The following DAB1 variants were observed in gnomAD, a reference collection of about 807,000 sequenced individuals.
DAB1 encodes the protein disabled homolog 1.
Under a neutral mutation model 64.6 loss-of-function variants are expected in DAB1, and 15 were observed. That is an observed-to-expected ratio of 0.23 (90% CI 0.16 to 0.36). The LOEUF (loss-of-function observed/expected upper bound fraction) is 0.36. Among genes scored for constraint, DAB1 ranks in the 10% least tolerant of loss-of-function variants. The pLI is 1.00. For missense variants in DAB1, 596 were observed against 706.7 expected (o/e 0.84, Z 1.78); for synonymous variants, 235 against 251.9 (o/e 0.93, Z 0.64).
At chr1:57,575,441 CT>C (rs1411692178) in intron 7 of DAB1, among the ~76,000 whole-genome samples, 1 of 152,166 alleles carries the variant, frequency 6.6e-6, no homozygotes, top group African/African-American at 2.4e-5. Flanking sequence ...AAAACCAAGT[CT>C]CTGAGAGAAT....
At chr1:58,139,908 G>A (rs1654179638) in intron 5 of DAB1, among the ~76,000 whole-genome samples, 1 of 152,222 alleles carries the variant, frequency 6.6e-6, no homozygotes, top group East Asian at 1.9e-4. Context: ...CTCAATAGTG[G>A]AAACTATATT....
At chr1:57,646,736 G>A (rs776327287) in intron 7 of DAB1, among the ~76,000 whole-genome samples, 12 of 152,124 alleles carry the variant, frequency 7.9e-5, no homozygotes, top group Non-Finnish European at 1.8e-4. Flanking sequence ...GTGACAGAGC[G>A]AGACCCCATC....
intron 4 of DAB1, among the ~76,000 whole-genome samples, chr1:58,173,930 T>C (rs1656316669): frequency 6.6e-6 from 1 of 152,146 alleles, no homozygotes; most frequent in Non-Finnish European, 1.5e-5. Context: ...TGGCTACTGC[T>C]ACAGGAACCA....
intron 5 of DAB1, among the ~76,000 whole-genome samples, chr1:57,916,740 C>T (rs1242495881): frequency 6.6e-6 from 1 of 152,086 alleles, no homozygotes; most frequent in Non-Finnish European, 1.5e-5. Context: ...GAGTTCAAGA[C>T]CAGCCTGGCC....
intron 1 of DAB1, among the ~76,000 whole-genome samples, chr1:57,323,269 G>C (rs1675871015): frequency 6.6e-6 from 1 of 152,166 alleles, no homozygotes; most frequent in African/African-American, 2.4e-5. Context: ...GACAGGCTAA[G>C]ATGCATAAAC....
chr1:57,887,586 A>G (rs1410597409), upstream of DAB1, among the ~76,000 whole-genome samples: 1 of 152,222 alleles, frequency 6.6e-6, no homozygotes, highest in African/African-American at 2.4e-5. Context: ...TTCACTCACC[A>G]CACTGGCAAG....
chr1:57,348,006 T>G (rs1298635856), intron 1 of DAB1, among the ~76,000 whole-genome samples: 1 of 152,214 alleles, frequency 6.6e-6, no homozygotes, highest in Non-Finnish European at 1.5e-5. Flanking sequence ...ACTTGAAACT[T>G]TCCAGGTTCC....
intron 7 of DAB1, among the ~76,000 whole-genome samples, chr1:57,466,244 C>A (rs1323175980): frequency 6.6e-6 from 1 of 152,152 alleles, no homozygotes; most frequent in Non-Finnish European, 1.5e-5. Context: ...ATATAGAGAG[C>A]ATATTGGAAT....
At chr1:57,521,938 C>T (rs985498489) in intron 7 of DAB1, among the ~76,000 whole-genome samples, 2 of 152,026 alleles carry the variant, frequency 1.3e-5, no homozygotes, top group South Asian at 2.1e-4. Flanking sequence ...GGCGAAACCC[C>T]GTCTCTAGTA....
chr1:57,229,555 CT>C (rs1291594169), intron 2 of DAB1, among the ~76,000 whole-genome samples: 2 of 152,034 alleles, frequency 1.3e-5, no homozygotes, highest in Non-Finnish European at 2.9e-5. Context: ...AAATTTCAAG[CT>C]TTGCCAAAAC....
chr1:57,182,431 A>G (rs1459052698), intron 2 of DAB1, among the ~76,000 whole-genome samples: 1 of 152,190 alleles, frequency 6.6e-6, no homozygotes, highest in Non-Finnish European at 1.5e-5. Context: ...AGAATTGGAA[A>G]CTAGCAGATA....
chr1:57,348,945 G>T (rs1239618116), intron 1 of DAB1, among the ~76,000 whole-genome samples: 2 of 152,076 alleles, frequency 1.3e-5, no homozygotes, highest in Admixed American at 1.3e-4. Context: ...AGTAAGAGGT[G>T]GGTCCAGCCA....
chr1:58,331,617 C>A (rs993682940), intron 4 of DAB1, among the ~76,000 whole-genome samples: 1 of 152,190 alleles, frequency 6.6e-6, no homozygotes, highest in African/African-American at 2.4e-5. Flanking sequence ...CTACCCTGAT[C>A]AGTTAGCAGT....
rs1483428158 is a variant in DAB1, at chr1:57,759,926, A to G, written n.552-110261T>C. ...TTTCTGAATGACTGCATACAAGAGC[A>G]ACGCATTGGAACGTATACAGGGACC... On this transcript the variant is annotated intron_variant and non_coding_transcript_variant, in intron 6 of 20. Coordinates refer to the DAB1 transcript ENST00000485760. 2.6e-5 allele frequency among the ~76,000 whole-genome samples: 4 copies of G among 152,194 alleles called. 1 individual carries two copies. In the East Asian group the frequency reaches 7.7e-4, roughly 29 times the overall value.
intron 4 of DAB1, among the ~76,000 whole-genome samples, chr1:58,248,639 G>C (rs1302071858): frequency 6.6e-6 from 1 of 152,184 alleles, no homozygotes; most frequent in African/African-American, 2.4e-5. Context: ...ACATCGTGCA[G>C]GTATGAAATC....
At chr1:57,869,485 C>T (rs984567557) in intron 1 of DAB1, among the ~76,000 whole-genome samples, 2 of 152,022 alleles carry the variant, frequency 1.3e-5, no homozygotes, top group Admixed American at 6.6e-5. Context: ...GTCATGGGCT[C>T]TTTCTGTGAA....
chr1:57,337,495 G>A (rs1052826251), intron 1 of DAB1, among the ~76,000 whole-genome samples: 4 of 152,136 alleles, frequency 2.6e-5, no homozygotes, highest in Admixed American at 2.6e-4. Flanking sequence ...TCTTAGGGAA[G>A]CCTTCCTCAG....
chr1:57,301,404 C>T (rs139458966), intron 1 of DAB1, among the ~76,000 whole-genome samples: 88 of 152,264 alleles, frequency 5.8e-4, no homozygotes, highest in Admixed American at 1.7e-3. Flanking sequence ...CTACTCCATA[C>T]CAGCCAGGTG....
chr1:57,439,429 T>TGTTTTTTTTTG (rs1685837339), intron 7 of DAB1, among the ~76,000 whole-genome samples: 1 of 127,968 alleles, frequency 7.8e-6, no homozygotes, highest in South Asian at 2.9e-4. Flanking sequence ...TTTTTTCTTT[T>TGTTTTTTTTTG]TTTTTTTTTT....
Sources: allele counts gnomAD v4.1 joint callset (sites outside exome capture counted in the v4.1 genomes callset), GRCh38; gene constraint gnomAD v4.1.1; transcripts MANE v1.5; gene names NCBI Gene and HGNC (gene_info 2026-07-23, HGNC 2026-07-21).